Variants in PRKG1 observed in about 807,000 individuals in gnomAD.
The protein encoded by PRKG1 is protein kinase cGMP-dependent 1, also known as cGMP-dependent protein kinase 1.
Under a neutral mutation model 88.1 loss-of-function variants are expected in PRKG1, and 35 were observed. The ratio of observed to expected loss-of-function variants is 0.40; its 90% confidence interval spans 0.30 to 0.53. The LOEUF (loss-of-function observed/expected upper bound fraction) is 0.53, where lower values mean the gene tolerates loss of function less well. PRKG1 is among the 20% of genes least tolerant of loss of function. The probability of loss-of-function intolerance (pLI) is 0.59; values close to 1 mark genes in which losing one functional copy is unlikely to be tolerated. For missense variants in PRKG1, 540 were observed against 839.8 expected, an observed-to-expected ratio of 0.64 and a Z score of 4.41; for synonymous variants, 303 against 292.5, an observed-to-expected ratio of 1.04 and a Z score of -0.37.
chr10:52,022,376 C>T (rs1395417377), intron 5 of PRKG1, among the ~76,000 whole-genome samples: 1 of 152,078 alleles, frequency 6.6e-6, no homozygotes, highest in Non-Finnish European at 1.5e-5. Context: ...CATTATTGAT[C>T]AATGAAAAAT....
chr10:51,850,068 A>G (rs1209637999), intron 4 of PRKG1, among the ~76,000 whole-genome samples: 1 of 152,256 alleles, frequency 6.6e-6, no homozygotes, highest in Non-Finnish European at 1.5e-5. Flanking sequence ...TAAGAATGAA[A>G]TAAAAATTAA....
At chr10:51,619,493 G>A (rs1839152838) in intron 3 of PRKG1, among the ~76,000 whole-genome samples, 1 of 152,150 alleles carries the variant, frequency 6.6e-6, no homozygotes, top group South Asian at 2.1e-4. Flanking sequence ...GAGGAAATAA[G>A]ACACTAAACT....
In PRKG1 at chr10:52,297,017, G is replaced by T. The variant is rs1171353188; in HGVS notation, c.*3117G>T. On this transcript the variant is annotated 3_prime_UTR_variant, in exon 18 of 18. Coordinates refer to ENST00000373980, the MANE Select transcript of PRKG1 (RefSeq NM_006258.4). ...ACTGATGGTAAACAAATTTAATGAA[G>T]TCAGCTACCATGTTGAAAATAAGGA... The T allele has an allele frequency of 6.6e-6, 1 of 152,018 alleles. No individual in the cohort carries two copies. The highest frequency in any genetic ancestry group is 2.4e-5 in the African/African-American group (1 of 41,420). 9.4% of individuals were successfully genotyped at this position (152,018 alleles called of 1,614,324 possible).
At chr10:52,187,083 T>G (rs781678153) in intron 9 of PRKG1, among the ~76,000 whole-genome samples, 2 of 152,194 alleles carry the variant, frequency 1.3e-5, no homozygotes, top group Non-Finnish European at 2.9e-5. Flanking sequence ...TAGAAAACTT[T>G]ATTTTTACTA....
At chr10:51,163,709 G>C (rs1358867111) in intron 2 of PRKG1, among the ~76,000 whole-genome samples, 2 of 152,142 alleles carry the variant, frequency 1.3e-5, no homozygotes, top group South Asian at 2.1e-4. Flanking sequence ...GCGCTTTTCC[G>C]ACGGGCTTAA....
intron 2 of PRKG1, among the ~76,000 whole-genome samples, chr10:51,397,531 G>A (rs946293801): frequency 2.6e-5 from 4 of 152,058 alleles, no homozygotes; most frequent in Admixed American, 2.6e-4. Flanking sequence ...GTGGTTTAGA[G>A]GGTCCATTTG....
chr10:51,915,996 T>C (rs2132966707), intron 5 of PRKG1, among the ~76,000 whole-genome samples: 1 of 152,254 alleles, frequency 6.6e-6, no homozygotes, highest in African/African-American at 2.4e-5. Context: ...CCTTTACACA[T>C]AGCTGGTGAG....
intron 3 of PRKG1, among the ~76,000 whole-genome samples, chr10:51,768,231 C>T (rs1332878491): frequency 6.6e-6 from 1 of 152,084 alleles, no homozygotes; most frequent in East Asian, 1.9e-4. Flanking sequence ...TTAGATAAAA[C>T]TGGAGGCAGA....
chr10:51,663,795 G>A (rs991980519), intron 3 of PRKG1, among the ~76,000 whole-genome samples: 1 of 151,030 alleles, frequency 6.6e-6, no homozygotes, highest in African/African-American at 2.4e-5. Context: ...GAAACTTAGA[G>A]AGAATTATTA....
At chr10:52,040,331 G>C (rs998363835) in intron 5 of PRKG1, among the ~76,000 whole-genome samples, 2 of 152,180 alleles carry the variant, frequency 1.3e-5, no homozygotes, top group African/African-American at 4.8e-5. Flanking sequence ...ACACTAAATT[G>C]TGTGATTCCC....
intron 1 of PRKG1, among the ~76,000 whole-genome samples, chr10:50,998,165 C>A (rs183200580): frequency 6.6e-6 from 1 of 152,166 alleles, no homozygotes; most frequent in African/African-American, 2.4e-5. Flanking sequence ...TTTCATCCTT[C>A]TTTTACCCAG....
chr10:51,127,698 G>A (rs1461152415), intron 1 of PRKG1, among the ~76,000 whole-genome samples: 11 of 152,138 alleles, frequency 7.2e-5, no homozygotes, highest in Admixed American at 7.2e-4. Context: ...GCAAAGACAT[G>A]GAACTAACCC....
intron 2 of PRKG1, among the ~76,000 whole-genome samples, chr10:51,307,775 T>C (rs1035671935): frequency 6.6e-6 from 1 of 152,148 alleles, no homozygotes; most frequent in Non-Finnish European, 1.5e-5. Flanking sequence ...TTTTATAAAG[T>C]TTTATGCTAT....
chr10:52,013,533 T>C (rs1844954787), intron 5 of PRKG1, among the ~76,000 whole-genome samples: 1 of 152,196 alleles, frequency 6.6e-6, no homozygotes, highest in African/African-American at 2.4e-5. Flanking sequence ...GGTGGAACTC[T>C]TCTAGTTGAG....
intron 10 of PRKG1, among the ~76,000 whole-genome samples, chr10:52,265,779 A>T (rs1490598112): frequency 1.3e-5 from 2 of 152,088 alleles, no homozygotes; most frequent in Non-Finnish European, 1.5e-5. Context: ...GATAGTTAAG[A>T]ACTTGTCAAA....
chr10:51,665,399 C>G (rs934024775), intron 3 of PRKG1, among the ~76,000 whole-genome samples: 2 of 152,016 alleles, frequency 1.3e-5, no homozygotes, highest in Admixed American at 1.3e-4. Flanking sequence ...GTTATGTTGC[C>G]ATTGTACTGA....
intron 3 of PRKG1, among the ~76,000 whole-genome samples, chr10:51,788,606 A>G (rs1838789273): frequency 6.6e-6 from 1 of 152,184 alleles, no homozygotes; most frequent in Non-Finnish European, 1.5e-5. Context: ...ATAAACGCCA[A>G]ATAGTATTCC....
chr10:51,251,257 A>T (rs1176970267), intron 2 of PRKG1, among the ~76,000 whole-genome samples: 1 of 151,794 alleles, frequency 6.6e-6, no homozygotes, highest in African/African-American at 2.4e-5. Flanking sequence ...GGACATCTGC[A>T]AGTTGCGTCT....
intron 3 of PRKG1, chr10:51,696,937 T>C (rs940965796): frequency 6.6e-6 from 1 of 152,162 alleles, no homozygotes; most frequent in Non-Finnish European, 1.5e-5. Context: ...ATTGAGAGAC[T>C]GGGTTTCATC....
Sources: allele counts gnomAD v4.1 joint callset (sites outside exome capture counted in the v4.1 genomes callset), GRCh38; gene constraint gnomAD v4.1.1; transcripts MANE v1.5; gene names NCBI Gene and HGNC (gene_info 2026-07-23, HGNC 2026-07-21).